Variants in GRAMD1B observed in about 807,000 individuals in gnomAD.
GRAMD1B encodes GRAM domain containing 1B.
Under a neutral mutation model 99.7 loss-of-function variants are expected in GRAMD1B, and 37 were observed. The ratio of observed to expected loss-of-function variants is 0.37; its 90% CI spans 0.29 to 0.49. The LOEUF (loss-of-function observed/expected upper bound fraction) is 0.49. Among genes scored for constraint, GRAMD1B ranks in the 20% least tolerant of loss-of-function variants. GRAMD1B has a pLI of 0.98. For synonymous variants in GRAMD1B, 427 were observed against 387.6 expected (o/e 1.10, Z -1.19); for missense variants, 888 against 1,009.2 (o/e 0.88, Z 1.63).
intron 1 of GRAMD1B, among the ~76,000 whole-genome samples, chr11:123,412,783 TAA>T (rs369366808): frequency 0.39 from 58,718 of 151,836 alleles, 13,456 homozygotes; most frequent in African/African-American, 0.65. Flanking sequence ...AAAAAAAAAC[TAA>T]AGTTTTTATT....
At chr11:123,606,206 C>T (rs951348618) in intron 10 of GRAMD1B, among the ~76,000 whole-genome samples, 3 of 152,252 alleles carry the variant, frequency 2.0e-5, no homozygotes, top group African/African-American at 7.2e-5. Context: ...TATCGATTCC[C>T]TTCCAGGGCT....
rs1039450667 is a variant in GRAMD1B, at chr11:123,587,349, C to T, written c.684+3017C>T. Among the ~76,000 whole-genome samples the T allele has an allele frequency of 6.6e-6, 1 of 152,186 alleles. No homozygotes were observed. The highest frequency in any genetic ancestry group is 2.4e-5 in the African/African-American group (1 of 41,456). ...CCCATGCCCAATTATATGTACTCCTCCTTACCCCCGAAGCCCCAGTCTACC... is the reference window on the plus strand; with the variant it reads ...CCCATGCCCAATTATATGTACTCCTTCTTACCCCCGAAGCCCCAGTCTACC... On this transcript the variant is annotated intron_variant, in intron 4 of 19. Coordinates refer to ENST00000635736, the MANE Select transcript of GRAMD1B (RefSeq NM_001387025.1). The surrounding 1 kb of genome is among the most constrained non-coding windows in gnomAD (Gnocchi z 4.2).
chr11:123,481,855 C>G (rs1216000525), intron 2 of GRAMD1B, among the ~76,000 whole-genome samples: 1 of 152,160 alleles, frequency 6.6e-6, no homozygotes, highest in African/African-American at 2.4e-5. Flanking sequence ...TCTCAGCTGG[C>G]CTACCGCAGG....
chr11:123,609,400 C>T (rs1007805742), intron 12 of GRAMD1B, among the ~76,000 whole-genome samples: 2 of 152,148 alleles, frequency 1.3e-5, no homozygotes, highest in Admixed American at 6.5e-5. Flanking sequence ...CATCAGCGAT[C>T]CTGTGTGCCA....
intron 7 of GRAMD1B, 145 bp downstream of exon 7, chr11:123,596,182 C>T (rs1408219278): frequency 3.6e-6 from 2 of 556,274 alleles, no homozygotes; most frequent in East Asian, 6.2e-5. Context: ...CCAGGAAGCA[C>T]CTCCTGGGTG....
At chr11:123,542,429 C>T (rs1185765069) in intron 2 of GRAMD1B, among the ~76,000 whole-genome samples, 1 of 152,190 alleles carries the variant, frequency 6.6e-6, no homozygotes, top group Non-Finnish European at 1.5e-5. Flanking sequence ...CTCATAGGCA[C>T]TCACAGGCCA....
rs1406420133 is a variant in GRAMD1B at position 123,625,531 on chromosome 11, A to C, written c.*2936A>C. ...CCACCTCTTTGGGGACAAGAGGATT[A>C]CATCTCAGGCCAGCAAGATCAGCTG... On this transcript the variant is annotated 3_prime_UTR_variant, in exon 20 of 20. Transcript: ENST00000635736. 1 of 152,212 alleles carries C rather than the reference A, an allele frequency of 6.6e-6. No homozygotes were observed. Among genetic ancestry groups the C allele is most frequent in the Non-Finnish European group, 1.5e-5 (1 of 68,054 alleles). 9.4% of individuals were successfully genotyped at this position (152,212 alleles called of 1,614,324 possible).
At position 123,616,517 on chromosome 11, in the gene GRAMD1B, C is replaced by G. The variant is rs141594737; in HGVS notation, c.2318+1682C>G. On this transcript the variant is annotated intron_variant, in intron 17 of 19. Coordinates refer to ENST00000635736, the MANE Select transcript of GRAMD1B (RefSeq NM_001387025.1). ...GCATTTTGACTTTAAGTAGAGAAGG[C>G]CTGCACCCCTGAGCAAATTGTATAG... is the stretch of plus-strand genomic sequence containing the variant. 5.8e-3 allele frequency among the ~76,000 whole-genome samples: 889 copies of G among 152,350 alleles called. 11 individuals are homozygous for G. The highest frequency in any genetic ancestry group is 0.02 in the African/African-American group (833 of 41,568).
rs545123417 is a variant in GRAMD1B at position 123,452,572 on chromosome 11, G to A, written c.374+21406G>A. Among the ~76,000 whole-genome samples, 21 of 152,246 alleles carry A rather than the reference G, an allele frequency of 1.4e-4. No homozygotes were observed. The South Asian group carries it at 4.4e-3, about 32-fold the overall frequency. ...GAGGCAGCACAATTGCTTGAACCTG[G>A]GAGGTGGAGGTTGCGGTGAGCCAAG... On this transcript the variant is annotated intron_variant, in intron 1 of 19. Coordinates refer to ENST00000635736, the MANE Select transcript of GRAMD1B (RefSeq NM_001387025.1).
chr11:123,570,213 A>C (rs187167485), intron 2 of GRAMD1B, among the ~76,000 whole-genome samples: 123 of 152,270 alleles, frequency 8.1e-4, no homozygotes, highest in African/African-American at 2.9e-3. Context: ...CAGATTCCTG[A>C]GGCCATCCAC....
chr11:123,495,892 T>G (rs920303959), intron 2 of GRAMD1B, among the ~76,000 whole-genome samples: 8 of 152,216 alleles, frequency 5.3e-5, no homozygotes, highest in African/African-American at 1.7e-4. Context: ...TCTGTTGTTC[T>G]TTATGTCTTA....
chr11:123,510,641 G>A lies in GRAMD1B; in HGVS notation c.452+29748G>A, dbSNP rs766631937. 3.3e-5 allele frequency among the ~76,000 whole-genome samples: 5 copies of A among 152,298 alleles called. No individual in the cohort carries two copies. The highest frequency in any genetic ancestry group is 1.9e-4 in the East Asian group (1 of 5,190). ...CTGCCTTTTCTCTCTGGATGGTGCC[G>A]CTGCTCCTTAGGCCAAGCAGAGATC... On this transcript the variant is annotated intron_variant, in intron 2 of 19. Transcript: ENST00000635736. The surrounding 1 kb of genome is among the most constrained non-coding windows in gnomAD (Gnocchi z 4.3).
chr11:123,362,769 A>G (rs1422290396), intron 1 of GRAMD1B, among the ~76,000 whole-genome samples: 2 of 151,974 alleles, frequency 1.3e-5, no homozygotes, highest in Non-Finnish European at 2.9e-5. Flanking sequence ...GGGGTAGGGG[A>G]TAGGGGGAGA....
chr11:123,615,924 A>G (rs1304627500), intron 17 of GRAMD1B, among the ~76,000 whole-genome samples: 1 of 152,242 alleles, frequency 6.6e-6, no homozygotes, highest in Non-Finnish European at 1.5e-5. Flanking sequence ...CATGAGAAAC[A>G]TAAGGTGGAC....
chr11:123,599,689 T>C (rs1951716264), intron 7 of GRAMD1B, among the ~76,000 whole-genome samples: 1 of 152,190 alleles, frequency 6.6e-6, no homozygotes, highest in Non-Finnish European at 1.5e-5. Context: ...GCCAGGCTGA[T>C]CTCGAACTCC....
At chr11:123,482,777 G>A (rs748144951) in intron 2 of GRAMD1B, among the ~76,000 whole-genome samples, 38 of 151,974 alleles carry the variant, frequency 2.5e-4, no homozygotes, top group South Asian at 4.2e-4. Flanking sequence ...AGTTGGTTGC[G>A]GCCCTCTGAG....
At chr11:123,412,149 T>A (rs1461313202) in intron 1 of GRAMD1B, among the ~76,000 whole-genome samples, 1 of 152,226 alleles carries the variant, frequency 6.6e-6, no homozygotes. Context: ...CTAGTTAATA[T>A]ACAGTGGATA....
intron 6 of GRAMD1B, among the ~76,000 whole-genome samples, chr11:123,595,161 T>C (rs1951120744): frequency 6.6e-6 from 1 of 152,114 alleles, no homozygotes. Flanking sequence ...CTTGGGACTT[T>C]AAAGAACCGG....
intron 1 of GRAMD1B, among the ~76,000 whole-genome samples, chr11:123,415,205 C>G (rs376022341): frequency 7.1e-6 from 1 of 141,780 alleles, no homozygotes; most frequent in Non-Finnish European, 1.5e-5. Context: ...CAGGTTCAAG[C>G]GATTCTCTTG....
Sources: gnomAD v4.1 joint callset for allele counts (sites outside exome capture counted in the v4.1 genomes callset) on GRCh38, gnomAD v4.1.1 for gene constraint, Gnocchi (gnomAD v3.1) non-coding constraint, MANE v1.5 for transcripts, NCBI Gene and HGNC (gene_info 2026-07-23, HGNC 2026-07-21) for gene names.